The following SPATA1 variants were observed in gnomAD, a reference collection of about 807,000 sequenced individuals.
The protein encoded by SPATA1 is spermatogenesis-associated protein 1.
SPATA1 carries 57 observed loss-of-function variants against 59.6 expected under a neutral mutation model. The ratio of observed to expected loss-of-function variants is 0.96; its 90% CI spans 0.77 to 1.19. The LOEUF (loss-of-function observed/expected upper bound fraction) is 1.19. Ranked by LOEUF, SPATA1 falls within the 50% of genes most tolerant of loss-of-function variation. SPATA1 has a pLI of 0.00. For synonymous variants in SPATA1, 147 were observed against 163.9 expected (o/e 0.90, Z 0.79); for missense variants, 448 against 480.7 (o/e 0.93, Z 0.64).
At chr1:84,522,487 ATTGGAAATAATT>A in exon 4 of SPATA1, 1 of 1,532,134 alleles carries the variant, frequency 6.5e-7, no homozygotes, top group Non-Finnish European at 8.8e-7. Context: ...TCTGAAATGC[ATTGGAAATAATT>A]TAGCTGTGGT....
intron 12 of SPATA1, chr1:84,551,615 T>C (rs1429259895): frequency 6.6e-6 from 1 of 152,160 alleles, no homozygotes; most frequent in Non-Finnish European, 1.5e-5. Context: ...ACAGTGCAGT[T>C]CTAGATTCTT....
intron 1 of SPATA1, among the ~76,000 whole-genome samples, chr1:84,512,460 G>A (rs1558567440): frequency 6.6e-6 from 1 of 152,174 alleles, no homozygotes; most frequent in African/African-American, 2.4e-5. Context: ...GCCCATGTCA[G>A]CATTTAGGAT....
intron 11 of SPATA1, 186 bp from the exon 12 acceptor site, chr1:84,550,246 A>G: frequency 5.5e-6 from 2 of 365,520 alleles, no homozygotes; most frequent in Non-Finnish European, 1.0e-5. Flanking sequence ...AGTGTTCCCT[A>G]AAATGCAAGA....
At chr1:84,541,160 T>C (rs1393022704) in intron 8 of SPATA1, among the ~76,000 whole-genome samples, 1 of 152,250 alleles carries the variant, frequency 6.6e-6, no homozygotes, top group African/African-American at 2.4e-5. Context: ...TAATGTGTAA[T>C]AGTTTTAGCA....
At chr1:84,551,689 A>C (rs1684277188) in intron 12 of SPATA1, 1 of 152,184 alleles carries the variant, frequency 6.6e-6, no homozygotes, top group African/African-American at 2.4e-5. Flanking sequence ...TTAAAACTTA[A>C]AATAGAAAAG....
rs544379298 is a variant in SPATA1, at chr1:84,547,412, A to C, written c.947-1374A>C. On this transcript the variant is annotated intron_variant, in intron 10 of 12. Coordinates refer to ENST00000490879, the Ensembl canonical transcript of SPATA1. The stretch of plus-strand genomic sequence containing the variant: ...CTACTATGTGCCGGGCACTGTTTTA[A>C]ATGCTGGGGATACAGCAGTGAACAA... Among the ~76,000 whole-genome samples, 3 of 152,316 alleles carry C rather than the reference A, an allele frequency of 2.0e-5. No homozygotes were observed. The East Asian group carries it at 5.8e-4, about 29-fold the overall frequency.
chr1:84,563,885 G>A, intron 4 of SPATA1: 2 of 1,551,456 alleles, frequency 1.3e-6, no homozygotes, highest in Non-Finnish European at 1.7e-6. Context: ...ATGTCAATGT[G>A]TTCATACAAG....
chr1:84,548,789 A>G (rs1479831453), exon 11 of SPATA1: 2 of 1,320,094 alleles, frequency 1.5e-6, no homozygotes, highest in Non-Finnish European at 9.8e-7. Context: ...TTTATAGCCT[A>G]CAATGGTTGG....
chr1:84,560,130 A>G (rs1040826579), intron 4 of SPATA1, among the ~76,000 whole-genome samples: 20 of 139,420 alleles, frequency 1.4e-4, no homozygotes, highest in Admixed American at 2.9e-4. Flanking sequence ...AGAAAGAAAG[A>G]AAGGAAAGAA....
intron 12 of SPATA1, chr1:84,552,792 G>C (rs946012605): frequency 1.7e-5 from 6 of 345,572 alleles, no homozygotes; most frequent in Non-Finnish European, 3.1e-5. Flanking sequence ...CAATTGTATT[G>C]TCCCTATCTA....
intron 4 of SPATA1, among the ~76,000 whole-genome samples, chr1:84,561,232 T>C (rs1036934524): frequency 6.6e-6 from 1 of 152,102 alleles, no homozygotes; most frequent in African/African-American, 2.4e-5. Flanking sequence ...AAGAAGTGGG[T>C]TACAACCCTC....
intron 12 of SPATA1, chr1:84,552,948 T>C: frequency 1.2e-6 from 1 of 852,640 alleles, no homozygotes; most frequent in Non-Finnish European, 1.8e-6. Flanking sequence ...TTAAAGCGGT[T>C]ACAAAAACCC....
At chr1:84,528,329 G>T (rs1683318249) in intron 6 of SPATA1, among the ~76,000 whole-genome samples, 1 of 152,100 alleles carries the variant, frequency 6.6e-6, no homozygotes, top group Non-Finnish European at 1.5e-5. Context: ...ATTGCTGGTA[G>T]TAGTACTTAT....
intron 2 of SPATA1, among the ~76,000 whole-genome samples, chr1:84,518,742 A>C (rs1173649271): frequency 6.6e-6 from 1 of 151,654 alleles, no homozygotes; most frequent in Non-Finnish European, 1.5e-5. Flanking sequence ...TTCCCTCTAG[A>C]TCTTCACTTG....
chr1:84,514,742 G>A (rs759808741), intron 1 of SPATA1, among the ~76,000 whole-genome samples: 9 of 152,104 alleles, frequency 5.9e-5, no homozygotes, highest in Non-Finnish European at 1.0e-4. Context: ...AGGCCGAGAC[G>A]GGCGAATCAC....
chr1:84,523,431 A>C (rs963829364), intron 4 of SPATA1, among the ~76,000 whole-genome samples: 2 of 152,228 alleles, frequency 1.3e-5, no homozygotes, highest in African/African-American at 4.8e-5. Flanking sequence ...TCTCATTAAC[A>C]GATTATATCA....
At chr1:84,553,298 C>A in exon 13 of SPATA1, 1 of 368,804 alleles carries the variant, frequency 2.7e-6, no homozygotes, top group East Asian at 4.6e-5. Flanking sequence ...TAATATAAAG[C>A]AAAATGATGA....
At chr1:84,509,628 T>G (rs1321687104) in intron 1 of SPATA1, among the ~76,000 whole-genome samples, 1 of 152,118 alleles carries the variant, frequency 6.6e-6, no homozygotes, top group Non-Finnish European at 1.5e-5. Flanking sequence ...TAGCTGGGCG[T>G]AGTGGCACAT....
chr1:84,564,191 G>C (rs892554936), intron 4 of SPATA1, among the ~76,000 whole-genome samples: 1 of 152,076 alleles, frequency 6.6e-6, no homozygotes, highest in African/African-American at 2.4e-5. Context: ...TTTCAAAAAA[G>C]TTTTATAAAT....
Sources: allele counts gnomAD v4.1 joint callset (sites outside exome capture counted in the v4.1 genomes callset), GRCh38; gene constraint gnomAD v4.1.1; transcripts MANE v1.5; gene names NCBI Gene and HGNC (gene_info 2026-07-23, HGNC 2026-07-21).